TIAM1: variants seen among roughly 807,000 people sequenced by gnomAD.
The protein encoded by TIAM1 is rho guanine nucleotide exchange factor TIAM1.
In TIAM1, 65 loss-of-function variants were observed where a neutral mutation model predicts 163.5. The ratio of observed to expected loss-of-function variants is 0.40; its 90% confidence interval spans 0.33 to 0.49. The LOEUF is 0.49. Ranked by LOEUF, TIAM1 falls within the 20% of genes least tolerant of loss-of-function variation. TIAM1 has a pLI of 0.77. For synonymous variants in TIAM1, 833 were observed against 810.1 expected, an observed-to-expected ratio of 1.03 and a Z score of -0.48; for missense variants, 1,789 against 2,044.7, an observed-to-expected ratio of 0.87 and a Z score of 2.41.
At chr21:31,352,698 A>AATAG (rs1396603290) in intron 2 of TIAM1, among the ~76,000 whole-genome samples, 2 of 151,428 alleles carry the variant, frequency 1.3e-5, no homozygotes, top group African/African-American at 4.9e-5. Context: ...CTTAAAAATA[A>AATAG]ATAGATAAAT....
chr21:31,186,902 C>T (rs2085332049), intron 14 of TIAM1, 99 bp downstream of exon 14: 5 of 1,010,734 alleles, frequency 4.9e-6, no homozygotes, highest in Non-Finnish European at 7.6e-6. Flanking sequence ...AAATACTTTC[C>T]ACAAATGAAT....
intron 1 of TIAM1, among the ~76,000 whole-genome samples, chr21:31,482,670 T>C (rs535160799): frequency 1.6e-4 from 25 of 152,264 alleles, no homozygotes; most frequent in African/African-American, 5.8e-4. Context: ...AGAAGGGTGA[T>C]GCAATATGCA....
intron 8 of TIAM1, among the ~76,000 whole-genome samples, chr21:31,219,845 A>C (rs181818728): frequency 6.2e-4 from 94 of 152,344 alleles, no homozygotes; most frequent in African/African-American, 2.2e-3. Context: ...ATTACACCGG[A>C]GGTGTCACAG....
At chr21:31,495,157 G>A (rs1309578610) in intron 1 of TIAM1, among the ~76,000 whole-genome samples, 1 of 152,116 alleles carries the variant, frequency 6.6e-6, no homozygotes, top group Non-Finnish European at 1.5e-5. Flanking sequence ...AAAGCAAATG[G>A]GATGAAATGC....
intron 2 of TIAM1, among the ~76,000 whole-genome samples, chr21:31,358,272 A>G (rs994383297): frequency 1.3e-5 from 2 of 152,112 alleles, no homozygotes; most frequent in African/African-American, 4.8e-5. Flanking sequence ...GTTGTTCTAC[A>G]CCACTGTTTG....
At chr21:31,515,124 C>G (rs1192537772) in intron 1 of TIAM1, among the ~76,000 whole-genome samples, 1 of 152,150 alleles carries the variant, frequency 6.6e-6, no homozygotes, top group Non-Finnish European at 1.5e-5. Flanking sequence ...CAGTCCTACC[C>G]TTTGTTATCC....
rs115821313 is a variant in TIAM1, at chr21:31,555,773, T to G, written c.-422+3154A>C. On this transcript the variant is annotated intron_variant, in intron 1 of 28. Transcript: ENST00000286827. Reference sequence around the variant, plus strand: ...TGTCTCACAAAACGTGTTTCTCCTTTAGACAGTATGATCCTTGCAGAAATC... The same window carrying G: ...TGTCTCACAAAACGTGTTTCTCCTTGAGACAGTATGATCCTTGCAGAAATC... Among the ~76,000 whole-genome samples the G allele has an allele frequency of 3.5e-3, 529 of 152,306 alleles. 4 individuals carry two copies. Among genetic ancestry groups the G allele is most frequent in the African/African-American group, 0.012 (506 of 41,556 alleles).
chr21:31,473,154 G>A (rs968817685), intron 1 of TIAM1, among the ~76,000 whole-genome samples: 3 of 152,172 alleles, frequency 2.0e-5, no homozygotes, highest in African/African-American at 7.2e-5. Context: ...ATGGCAGCCA[G>A]GCACGGTGGC....
rs563827401 is a variant in TIAM1, at chr21:31,423,161, T to C, written c.-369+40822A>G. Among the ~76,000 whole-genome samples the C allele has an allele frequency of 1.5e-4, 21 of 140,608 alleles. No homozygotes were observed. The South Asian group carries it at 4.8e-3, about 32-fold the overall frequency. 92.2% of individuals were successfully genotyped at this position (140,608 alleles called of 152,430 possible). On this transcript the variant is annotated intron_variant, in intron 2 of 28. Transcript: ENST00000286827. ...TCACCCAGGCTGGAGTGCAGTGGCA[T>C]GATCTCCGCTCACTGCAAGCTCCGC...
intron 2 of TIAM1, among the ~76,000 whole-genome samples, chr21:31,295,274 T>G (rs563883436): frequency 5.3e-5 from 8 of 151,952 alleles, no homozygotes; most frequent in African/African-American, 1.7e-4. Flanking sequence ...ATCGAGACCA[T>G]CCCGGCTAAC....
In TIAM1 at chr21:31,419,648, G is replaced by A. The variant is rs545157123; in HGVS notation, c.-369+44335C>T. ...GTTTAAAATTTTTAATCTAAGGATG[G>A]AATAAAAGATACAAAGATTTACACA... On this transcript the variant is annotated intron_variant, in intron 2 of 28. Transcript: ENST00000286827. 2.6e-5 allele frequency among the ~76,000 whole-genome samples: 4 copies of A among 152,162 alleles called. No individual in the cohort carries two copies. The East Asian group carries it at 7.7e-4, about 29-fold the overall frequency.
At chr21:31,222,306 T>C (rs114703370) in intron 8 of TIAM1, among the ~76,000 whole-genome samples, 127 of 152,258 alleles carry the variant, frequency 8.3e-4, no homozygotes, top group African/African-American at 2.7e-3. Flanking sequence ...TGCAGTACAT[T>C]CTAAGTGGGT....
intron 10 of TIAM1, 64 bp from the exon 11 acceptor site, chr21:31,210,279 G>T: frequency 3.2e-6 from 5 of 1,547,660 alleles, no homozygotes; most frequent in Non-Finnish European, 4.4e-6. Context: ...TAGATTCCCA[G>T]ACTGCACACA....
upstream of TIAM1, among the ~76,000 whole-genome samples, chr21:31,347,339 G>C (rs1476040312): frequency 6.6e-6 from 1 of 152,162 alleles, no homozygotes; most frequent in Non-Finnish European, 1.5e-5. Flanking sequence ...TCGGAGGGAA[G>C]CAGGACTTAG....
Position 31,391,889 on chromosome 21 carries a change from C to A in TIAM1, c.-368-52467G>T, listed in dbSNP as rs1381714298. Among the ~76,000 whole-genome samples the A allele has an allele frequency of 2.6e-5, 4 of 152,120 alleles. No homozygotes were observed. The East Asian group carries it at 7.7e-4, about 29-fold the overall frequency. On this transcript the variant is annotated intron_variant, in intron 2 of 28. Transcript: ENST00000286827. ...GTTAGACTTACAGTTTTTGACTTGA[C>A]AATGGCACAAAAGCAATAAGCATTC... is the stretch of plus-strand genomic sequence containing the variant.
At chr21:31,380,264 T>C (rs2076755813) in intron 2 of TIAM1, among the ~76,000 whole-genome samples, 1 of 151,792 alleles carries the variant, frequency 6.6e-6, no homozygotes, top group Non-Finnish European at 1.5e-5. Flanking sequence ...TCTCAAACAA[T>C]AAATGTTAAG....
intron 11 of TIAM1, among the ~76,000 whole-genome samples, chr21:31,206,632 C>T (rs1173631609): frequency 1.3e-5 from 2 of 151,962 alleles, no homozygotes; most frequent in African/African-American, 2.4e-5. Flanking sequence ...CAAATTATAC[C>T]CTAAGTATTA....
Position 31,182,395 on chromosome 21 carries a change from G to A in TIAM1, c.2887+26C>T, listed in dbSNP as rs190941369. 547 of 1,487,184 alleles carry A rather than the reference G, an allele frequency of 3.7e-4. No homozygotes were observed. Among genetic ancestry groups the A allele is most frequent in the Non-Finnish European group, 4.5e-4 (501 of 1,120,312 alleles). The allele number at this position is 1,487,184 out of a possible 1,614,324, so 92.1% of individuals were successfully genotyped here. On this transcript the variant is annotated intron_variant, in intron 15 of 27. Transcript: ENST00000541036. ...TCGTGGCACAACGGAGTTCAGACTC[G>A]CCCCCAGCACCCTGCACAGCCATAC...
chr21:31,495,355 A>T (rs1423526986), intron 1 of TIAM1, among the ~76,000 whole-genome samples: 1 of 151,986 alleles, frequency 6.6e-6, no homozygotes, highest in Non-Finnish European at 1.5e-5. Flanking sequence ...TGCCTCCAAG[A>T]TGGTACCTTT....
Sources: allele counts gnomAD v4.1 joint callset (sites outside exome capture counted in the v4.1 genomes callset), GRCh38; gene constraint gnomAD v4.1.1; transcripts MANE v1.5; gene names NCBI Gene and HGNC (gene_info 2026-07-23, HGNC 2026-07-21).